ELF1: variants seen among roughly 807,000 people sequenced by gnomAD.
ELF1 encodes the protein ETS-related transcription factor Elf-1.
A neutral mutation model predicts 59.9 loss-of-function variants in ELF1; 24 were observed. The ratio of observed to expected loss-of-function variants is 0.40; its 90% CI spans 0.29 to 0.56. The LOEUF (loss-of-function observed/expected upper bound fraction) is 0.56. Ranked by LOEUF, ELF1 falls within the 20% of genes least tolerant of loss-of-function variation. The pLI is 0.44. For missense variants in ELF1, 627 were observed against 742.2 expected (o/e 0.84, Z 1.80); for synonymous variants, 248 against 266.2 (o/e 0.93, Z 0.67).
At chr13:41,029,805 C>T (rs1876092956) in intron 1 of ELF1, among the ~76,000 whole-genome samples, 1 of 152,222 alleles carries the variant, frequency 6.6e-6, no homozygotes, top group South Asian at 2.1e-4. Flanking sequence ...GGAGCTGGGG[C>T]GCCCTCCTTC....
intron 1 of ELF1, among the ~76,000 whole-genome samples, chr13:41,059,482 C>G (rs1484869722): frequency 6.6e-6 from 1 of 152,188 alleles, no homozygotes; most frequent in African/African-American, 2.4e-5. Flanking sequence ...TCACGCAGAT[C>G]ACATTAACAA....
chr13:41,017,372 G>GACCTC (rs941165531), intron 1 of ELF1, among the ~76,000 whole-genome samples: 14 of 152,094 alleles, frequency 9.2e-5, no homozygotes, highest in Non-Finnish European at 4.4e-5. Context: ...CAAATCACAG[G>GACCTC]ACCTCTGTGG....
chr13:41,014,358 G>T (rs1401555167), intron 1 of ELF1, among the ~76,000 whole-genome samples: 1 of 152,122 alleles, frequency 6.6e-6, no homozygotes, highest in African/African-American at 2.4e-5. Flanking sequence ...ACCTGGAAGA[G>T]AAGGAATCAA....
intron 2 of ELF1, among the ~76,000 whole-genome samples, chr13:40,965,400 T>C (rs995966973): frequency 6.6e-6 from 1 of 152,056 alleles, no homozygotes; most frequent in Admixed American, 6.6e-5. Context: ...AGCGGGTGGA[T>C]CACCTGAGGT....
chr13:40,990,762 G>T (rs1873806924), intron 1 of ELF1, among the ~76,000 whole-genome samples: 1 of 145,138 alleles, frequency 6.9e-6, no homozygotes, highest in Non-Finnish European at 1.5e-5. Context: ...GGCTGGGGCA[G>T]AATTGCTTGA....
At chr13:41,033,694 T>C (rs995103580) in intron 1 of ELF1, among the ~76,000 whole-genome samples, 25 of 152,210 alleles carry the variant, frequency 1.6e-4, no homozygotes, top group African/African-American at 5.8e-4. Context: ...TATGAGAATC[T>C]AACGCCCAAT....
chr13:40,968,410 A>G (rs1872317711), intron 2 of ELF1, among the ~76,000 whole-genome samples: 1 of 152,210 alleles, frequency 6.6e-6, no homozygotes, highest in African/African-American at 2.4e-5. Context: ...TATCTTTGGG[A>G]ATAAATAATA....
At chr13:40,940,887 G>A in intron 8 of ELF1, 34 bp downstream of exon 8, 2 of 1,562,870 alleles carry the variant, frequency 1.3e-6, no homozygotes, top group Non-Finnish European at 1.7e-6. Context: ...GAAACATATT[G>A]AAGTGATAAG....
At chr13:40,958,044 C>T (rs867181397) in intron 3 of ELF1, among the ~76,000 whole-genome samples, 9 of 152,170 alleles carry the variant, frequency 5.9e-5, no homozygotes, top group African/African-American at 7.2e-5. Context: ...CTTTCTTTTA[C>T]GAATAAAGAT....
chr13:41,019,917 C>T (rs1190544629), upstream of ELF1, among the ~76,000 whole-genome samples: 2 of 152,142 alleles, frequency 1.3e-5, no homozygotes. Context: ...TTTTTAAAAA[C>T]CCACACTCCA....
chr13:41,032,510 G>A (rs9532710), intron 1 of ELF1, among the ~76,000 whole-genome samples: 48,489 of 151,618 alleles, frequency 0.32, 9,387 homozygotes, highest in Middle Eastern at 0.45. Context: ...GAGCCCCTGC[G>A]CCCAGCGATA....
At chr13:40,946,320 C>T (rs1870507041) in intron 5 of ELF1, among the ~76,000 whole-genome samples, 1 of 152,192 alleles carries the variant, frequency 6.6e-6, no homozygotes, top group African/African-American at 2.4e-5. Context: ...TGTATACTAA[C>T]ACCACCACTA....
At chr13:40,949,353 TTTTTA>T (rs1321125864) in intron 5 of ELF1, among the ~76,000 whole-genome samples, 7 of 152,072 alleles carry the variant, frequency 4.6e-5, no homozygotes, top group Non-Finnish European at 1.0e-4. Flanking sequence ...TATTTATTTA[TTTTTA>T]TTTTATTTTA....
At chr13:41,047,306 T>C (rs1329125125) in intron 1 of ELF1, among the ~76,000 whole-genome samples, 2 of 152,250 alleles carry the variant, frequency 1.3e-5, no homozygotes, top group African/African-American at 4.8e-5. Flanking sequence ...TCCAGCTTTG[T>C]TCCGTTGCTG....
intron 2 of ELF1, among the ~76,000 whole-genome samples, chr13:40,964,108 G>A (rs1276645097): frequency 1.3e-5 from 2 of 152,076 alleles, no homozygotes. Flanking sequence ...AAACTGGATT[G>A]ACCAGTAACT....
chr13:41,001,042 T>A (rs1874405209), intron 1 of ELF1, among the ~76,000 whole-genome samples: 1 of 121,624 alleles, frequency 8.2e-6, no homozygotes, highest in South Asian at 2.6e-4. Flanking sequence ...AATGGTGTAG[T>A]CTCGGCTCAC....
intron 1 of ELF1, among the ~76,000 whole-genome samples, chr13:41,059,941 G>A (rs559787384): frequency 6.6e-6 from 1 of 152,218 alleles, no homozygotes; most frequent in Non-Finnish European, 1.5e-5. Flanking sequence ...CTTATTTAAA[G>A]CCATCTCATC....
intron 1 of ELF1, among the ~76,000 whole-genome samples, chr13:40,984,984 C>T (rs988750467): frequency 1.3e-5 from 2 of 152,200 alleles, no homozygotes; most frequent in Non-Finnish European, 2.9e-5. Context: ...ATACTAACAA[C>T]TAACAGTAAT....
chr13:41,008,843 T>C (rs1431485921), intron 1 of ELF1, among the ~76,000 whole-genome samples: 1 of 152,182 alleles, frequency 6.6e-6, no homozygotes, highest in East Asian at 1.9e-4. Flanking sequence ...TTCCAACAGA[T>C]TTCATGCAAA....
Sources: allele counts gnomAD v4.1 joint callset (sites outside exome capture counted in the v4.1 genomes callset), GRCh38; gene constraint gnomAD v4.1.1; transcripts MANE v1.5; gene names NCBI Gene and HGNC (gene_info 2026-07-23, HGNC 2026-07-21).